ZNF696: variants seen among roughly 807,000 people sequenced by gnomAD.
ZNF696 encodes zinc finger protein 696.
ZNF696 carries 10 observed loss-of-function variants against 12.3 expected under a neutral mutation model. That is an observed-to-expected ratio of 0.81 (90% CI 0.50 to 1.38). The LOEUF is 1.38. ZNF696 is among the 40% of genes most tolerant of loss of function. The pLI is 0.00. For missense variants in ZNF696, 675 were observed against 554.7 expected (o/e 1.22, Z -2.18); for synonymous variants, 304 against 243.9 (o/e 1.25, Z -2.29).
chr8:143,293,445 G>GC, intron 2 of ZNF696: 2 of 368,924 alleles, frequency 5.4e-6, no homozygotes, highest in South Asian at 6.8e-5. Flanking sequence ...TGTCAGTAGG[G>GC]CCCCCTCCCA....
In ZNF696 at chr8:143,296,961, T is replaced by C; in HGVS notation, c.*161T>C. On this transcript the variant is annotated 3_prime_UTR_variant, in exon 3 of 3. Transcript: ENST00000330143. ...CGCCAGGCCTGCATCCGCCTTGGCTTGGGAGCAATCAGGAGAGACAGGGCT... is the reference window on the plus strand; with the variant it reads ...CGCCAGGCCTGCATCCGCCTTGGCTCGGGAGCAATCAGGAGAGACAGGGCT... The C allele has an allele frequency of 1.5e-6, 1 of 675,480 alleles. No homozygotes were observed. Among genetic ancestry groups the C allele is most frequent in the Non-Finnish European group, 2.2e-6 (1 of 453,008 alleles). The allele number at this position is 675,480 out of a possible 1,614,324, so 41.8% of individuals were successfully genotyped here. A position where few individuals can be genotyped will look rare whatever the true frequency, so the allele number is the denominator to read the frequency against.
At position 143,299,701 on chromosome 8, in the gene ZNF696, CTCACACCTGTAA is replaced by C. The variant is rs1259701541; in HGVS notation, c.*2904_*2915del. On this transcript the variant is annotated 3_prime_UTR_variant, in exon 3 of 3. Transcript: ENST00000330143. ...ATCAGGCTGGGCCTGAGCGCTGTGG[CTCACACCTGTAA>C]TCCCAGCACTTTGGAGGCCAAGGTG... Among the ~76,000 whole-genome samples, 2 of 152,244 alleles carry C rather than the reference CTCACACCTGTAA, an allele frequency of 1.3e-5. No individual in the cohort carries two copies. The highest frequency in any genetic ancestry group is 4.8e-5 in the African/African-American group (2 of 41,468).
chr8:143,295,481 C>G, intron 2 of ZNF696: 1 of 683,298 alleles, frequency 1.5e-6, no homozygotes, highest in South Asian at 1.5e-5. Flanking sequence ...GTGTGAGTCA[C>G]CACATCCGGC....
intron 2 of ZNF696, 198 bp downstream of exon 2, chr8:143,293,263 G>A: frequency 1.7e-6 from 1 of 586,620 alleles, no homozygotes; most frequent in Non-Finnish European, 3.0e-6. Flanking sequence ...AGTGAACTGA[G>A]AGCTTTTGGT....
Position 143,298,888 on chromosome 8 carries a change from C to T in ZNF696, c.*2088C>T, listed in dbSNP as rs550654904. Among the ~76,000 whole-genome samples the T allele has an allele frequency of 2.1e-4, 32 of 152,224 alleles. No individual in the cohort carries two copies. The South Asian group carries it at 4.2e-3, about 20-fold the overall frequency. On this transcript the variant is annotated 3_prime_UTR_variant, in exon 3 of 3. Transcript: ENST00000330143. ...AGCCTAGGCAACATAGGGCTGGGCA[C>T]GGTGGCTCACGCCTGTAATTCCAGC... is the stretch of plus-strand genomic sequence containing the variant.
At position 143,296,792 on chromosome 8, in the gene ZNF696, G is replaced by T; in HGVS notation, c.1117G>T (p.Ala373Ser). ...CATCCAGCACCGGCGGGTGCATGGCGCCGAGTGAGCCGGGGCTGCGGCGGA... is the reference window on the plus strand; with the variant it reads ...CATCCAGCACCGGCGGGTGCATGGCTCCGAGTGAGCCGGGGCTGCGGCGGA... ...HLIQHRRVHG[A>S]E The change falls in exon 3 of 3, where the codon GCC becomes TCC. Residue 373 changes from alanine (A) to serine (S), a missense_variant. By Grantham distance (99) the Ala-to-Ser change is moderately conservative. Coordinates refer to ENST00000330143, the MANE Select transcript of ZNF696 (RefSeq NM_030895.3). The T allele has an allele frequency of 7.1e-7, 1 of 1,407,168 alleles. No individual in the cohort carries two copies. The allele number at this position is 1,407,168 out of a possible 1,614,324, so 87.2% of individuals were successfully genotyped here.
At chr8:143,292,266 T>G (rs1815636399) in intron 1 of ZNF696, 1 of 152,252 alleles carries the variant, frequency 6.6e-6, no homozygotes, top group Non-Finnish European at 1.5e-5. Context: ...CCAAATTACA[T>G]TTCTTAATTG....
At chr8:143,293,388 T>G (rs1211516226) in intron 2 of ZNF696, 1 of 501,614 alleles carries the variant, frequency 2.0e-6, no homozygotes, top group Non-Finnish European at 3.5e-6. Context: ...GGGGCCATCC[T>G]GTGTGTTGTA....
rs1426720731 is a variant in ZNF696 at position 143,291,608 on chromosome 8, C to A, written c.-190C>A. The stretch of plus-strand genomic sequence containing the variant: ...GCGCGGCGTGGGGGAGGCGGCCCTG[C>A]AGGTGCGTACCCGGGGTCCGACACG... On this transcript the variant is annotated 5_prime_UTR_variant, in exon 1 of 3. Transcript: ENST00000330143. 5 of 985,348 alleles carry A rather than the reference C, an allele frequency of 5.1e-6. No homozygotes were observed. Among genetic ancestry groups the A allele is most frequent in the Non-Finnish European group, 4.8e-6 (4 of 829,940 alleles). 61.0% of individuals were successfully genotyped at this position (985,348 alleles called of 1,614,324 possible). A position where few individuals can be genotyped will look rare whatever the true frequency, so the allele number is the denominator to read the frequency against.
At chr8:143,292,180 A>G (rs1815635461) in intron 1 of ZNF696, 1 of 151,992 alleles carries the variant, frequency 6.6e-6, no homozygotes, top group South Asian at 2.1e-4. Flanking sequence ...CTGGTCAGGA[A>G]CTCTTGTAAT....
Position 143,296,667 on chromosome 8 carries a change from G to C in ZNF696, c.992G>C (p.Arg331Pro), listed in dbSNP as rs1372326301. ...TGCGGCCACTGCGGGCGCGCGTTCC[G>C]GGCGCTGTCGGGCTTCTTCCGGCAC... ...HQCGHCGRAF[R>P]ALSGFFRHQR... Residue 331 changes from arginine to proline, a missense_variant, in exon 3 of 3, where the codon CGG (arginine) becomes CCG (proline). By Grantham distance (103) the Arg-to-Pro change is moderately radical (BLOSUM62 -2). Transcript: ENST00000330143. The C allele has an allele frequency of 4.5e-6, 7 of 1,571,100 alleles. No homozygotes were observed. The highest frequency in any genetic ancestry group is 6.0e-6 in the Non-Finnish European group (7 of 1,165,764).
Position 143,293,330 on chromosome 8 carries a change from C to G in ZNF696, c.64+265C>G, listed in dbSNP as rs555408955. The G allele has an allele frequency of 3.7e-5, 21 of 567,214 alleles. No individual in the cohort carries two copies. In the South Asian group the frequency reaches 4.9e-4, roughly 13 times the overall value. The allele number at this position is 567,214 out of a possible 1,614,324, so 35.1% of individuals were successfully genotyped here. On this transcript the variant is annotated intron_variant, in intron 2 of 2. Coordinates refer to ENST00000330143, the MANE Select transcript of ZNF696 (RefSeq NM_030895.3). ...TGGGAAGGTCTCTCTCTCAGTGCTT[C>G]TCCACCTTGGCACCGTGGCTGTTTT...
At position 143,296,781 on chromosome 8, in the gene ZNF696, G is replaced by A. The variant is rs569891875; in HGVS notation, c.1106G>A (p.Arg369Gln). The change falls in exon 3 of 3, where the codon CGG (arginine) becomes CAG (glutamine). Residue 369 changes from arginine (R) to glutamine (Q), a missense_variant. By Grantham distance (43) the Arg-to-Gln change is conservative (BLOSUM62 1). Coordinates refer to ENST00000330143, the MANE Select transcript of ZNF696 (RefSeq NM_030895.3). ...AGCTTCCACCTCATCCAGCACCGGCGGGTGCATGGCGCCGAGTGAGCCGGG... is the reference window on the plus strand; with the variant it reads ...AGCTTCCACCTCATCCAGCACCGGCAGGTGCATGGCGCCGAGTGAGCCGGG... The part of the protein sequence containing the change: ...RLSFHLIQHR[R>Q]VHGAE 3.2e-5 allele frequency: 46 copies of A among 1,430,102 alleles called. 1 individual carries two copies. In the South Asian group the frequency reaches 6.1e-4, roughly 19 times the overall value. The allele number at this position is 1,430,102 out of a possible 1,614,324, so 88.6% of individuals were successfully genotyped here. A position where few individuals can be genotyped will look rare whatever the true frequency, so the allele number is the denominator to read the frequency against.
In ZNF696 at chr8:143,298,990, T is replaced by C. The variant is rs1479955970; in HGVS notation, c.*2190T>C. On this transcript the variant is annotated 3_prime_UTR_variant, in exon 3 of 3. Transcript: ENST00000330143. ...CCCTGGCCAACATGGCAAAACCCCA[T>C]TTCTACTAAAAATACAAAATTAGCT... is the stretch of plus-strand genomic sequence containing the variant. Among the ~76,000 whole-genome samples, 1 of 152,086 alleles carries C rather than the reference T, an allele frequency of 6.6e-6. No homozygotes were observed. The highest frequency in any genetic ancestry group is 1.5e-5 in the Non-Finnish European group (1 of 68,014).
chr8:143,293,332 C>T, intron 2 of ZNF696: 5 of 564,776 alleles, frequency 8.9e-6, no homozygotes, highest in South Asian at 2.4e-5. Flanking sequence ...CAGTGCTTCT[C>T]CACCTTGGCA....
chr8:143,293,077 T>C lies in ZNF696; in HGVS notation c.64+12T>C, dbSNP rs1815652371. 6.2e-7 allele frequency: 1 copy of C among 1,609,884 alleles called. No homozygotes were observed. Among genetic ancestry groups the C allele is most frequent in the Non-Finnish European group, 8.5e-7 (1 of 1,176,526 alleles). Reference sequence around the variant, plus strand: ...GGAGTCCCTTGCAGGTGAGGGGACATGTCCACAGTCGGGCCCAGAGTTCCA... The same window carrying C: ...GGAGTCCCTTGCAGGTGAGGGGACACGTCCACAGTCGGGCCCAGAGTTCCA... On this transcript the variant is annotated intron_variant, in intron 2 of 2. Transcript: ENST00000330143.
chr8:143,296,120 G>C lies in ZNF696; in HGVS notation c.445G>C (p.Gly149Arg). The C allele has an allele frequency of 6.2e-7, 1 of 1,609,882 alleles. No individual in the cohort carries two copies. Among genetic ancestry groups the C allele is most frequent in the African/African-American group, 1.3e-5 (1 of 74,990 alleles). The stretch of plus-strand genomic sequence containing the variant: ...GGCAAAGCACCGGAGCATCCACTCG[G>C]GGGAGAAACCGTACGAGTGCAGCGA... Reference protein sequence around the residue: ...DAAKHRSIHSGEKPYECSDCG... With the variant: ...DAAKHRSIHSREKPYECSDCG... Residue 149 changes from glycine to arginine, a missense_variant, in exon 3 of 3, where the codon GGG (glycine) becomes CGG (arginine). Physicochemically the swap from Gly to Arg is moderately radical, Grantham distance 125. Transcript: ENST00000330143.
Position 143,295,180 on chromosome 8 carries a change from C to T in ZNF696, c.65-560C>T, listed in dbSNP as rs574045327. Among the ~76,000 whole-genome samples, 89 of 152,252 alleles carry T rather than the reference C, an allele frequency of 5.8e-4. 1 individual carries two copies. The highest frequency in any genetic ancestry group is 6.5e-4 in the Non-Finnish European group (44 of 68,026). ...CCTCCTGCTACATCTGCCTCGCTCC[C>T]GTCCTGGCTTGCTGCCAGCTGTCTC... On this transcript the variant is annotated intron_variant, in intron 2 of 2. Transcript: ENST00000330143.
Position 143,292,965 on chromosome 8 carries a change from T to C in ZNF696, c.-30-7T>C. ...TGATTTATTTTCCTTTTCTTTTACC[T>C]AAGCAGAAATTGTTCCAACTGCTGG... On this transcript the variant is annotated splice_region_variant and splice_polypyrimidine_tract_variant and intron_variant, in intron 1 of 2. Coordinates refer to ENST00000330143, the MANE Select transcript of ZNF696 (RefSeq NM_030895.3). 6.2e-7 allele frequency: 1 copy of C among 1,611,350 alleles called. No homozygotes were observed. Among genetic ancestry groups the C allele is most frequent in the Non-Finnish European group, 8.5e-7 (1 of 1,178,922 alleles).
Sources: allele counts gnomAD v4.1 joint callset (sites outside exome capture counted in the v4.1 genomes callset), GRCh38; gene constraint gnomAD v4.1.1; transcripts MANE v1.5; gene names NCBI Gene and HGNC (gene_info 2026-07-23, HGNC 2026-07-21).